Variants in FNDC3B observed in about 807,000 individuals in gnomAD.
FNDC3B encodes the protein fibronectin type III domain containing 3B, also known as fibronectin type III domain-containing protein 3B.
In FNDC3B, 12 loss-of-function variants were observed where a neutral mutation model predicts 151.5. That is an observed-to-expected ratio of 0.08 (90% CI 0.05 to 0.13). The LOEUF (loss-of-function observed/expected upper bound fraction) is 0.13. Among genes scored for constraint, FNDC3B ranks in the 10% least tolerant of loss-of-function variants. The probability of loss-of-function intolerance (pLI) is 1.00; values close to 1 mark genes in which losing one functional copy is unlikely to be tolerated. For missense variants in FNDC3B, 1,214 were observed against 1,505.3 expected, an observed-to-expected ratio of 0.81 and a Z score of 3.20; for synonymous variants, 528 against 549.0, an observed-to-expected ratio of 0.96 and a Z score of 0.54.
intron 1 of FNDC3B, among the ~76,000 whole-genome samples, chr3:172,060,151 G>T (rs1436030591): frequency 6.6e-6 from 1 of 152,138 alleles, no homozygotes; most frequent in Non-Finnish European, 1.5e-5. Flanking sequence ...TAGTCAGTGG[G>T]GCCCATTGAC....
intron 1 of FNDC3B, among the ~76,000 whole-genome samples, chr3:172,071,322 T>C (rs1051005102): frequency 1.3e-5 from 2 of 152,170 alleles, no homozygotes; most frequent in African/African-American, 4.8e-5. Flanking sequence ...GGATATAACT[T>C]TAATAGCAGG....
In FNDC3B at chr3:172,158,694, A is replaced by G. The variant is rs62283834; in HGVS notation, c.187+25148A>G. 8.9e-4 allele frequency among the ~76,000 whole-genome samples: 135 copies of G among 152,306 alleles called. 1 individual carries two copies. Among genetic ancestry groups the G allele is most frequent in the Non-Finnish European group, 1.1e-3 (75 of 68,024 alleles). ...TTTTCCTCTTATGGTTTTGGTGTGA[A>G]GTCTAAAGACCTTTGTCTACTCCCA... On this transcript the variant is annotated intron_variant, in intron 3 of 25. Coordinates refer to ENST00000415807, the MANE Select transcript of FNDC3B (RefSeq NM_022763.4).
intron 6 of FNDC3B, among the ~76,000 whole-genome samples, chr3:172,282,941 C>T (rs1467523651): frequency 6.6e-6 from 1 of 152,258 alleles, no homozygotes; most frequent in Non-Finnish European, 1.5e-5. Flanking sequence ...GTGTGCCCAG[C>T]ACCGGAGGTG....
chr3:172,341,286 G>C, intron 17 of FNDC3B, 55 bp downstream of exon 17: 3 of 1,237,430 alleles, frequency 2.4e-6, no homozygotes, highest in South Asian at 1.2e-5. Flanking sequence ...CGGACAAACT[G>C]TCTATAACAT....
intron 9 of FNDC3B, among the ~76,000 whole-genome samples, chr3:172,298,989 G>A (rs1730771570): frequency 6.6e-6 from 1 of 152,186 alleles, no homozygotes; most frequent in Non-Finnish European, 1.5e-5. Context: ...AAAAGTAGGT[G>A]TTAAACACTG....
At chr3:172,317,057 A>G in intron 11 of FNDC3B, 1 of 404,136 alleles carries the variant, frequency 2.5e-6, no homozygotes, top group South Asian at 1.8e-5. Flanking sequence ...TGTGATAACA[A>G]ACTCACTCCT....
rs566667380 is a variant in FNDC3B, at chr3:172,330,637, G to A, written c.1476G>A (p.Thr492=). The change falls in exon 13 of 26, where the codon ACG becomes ACA. Residue 492 remains threonine (T), a synonymous_variant. Transcript: ENST00000415807. ...TTCGAGCTGGCATCACATGGGTCAC[G>A]TTGCAGTGGAGTAAGCCAGAAGGCT... The part of the protein sequence containing the change: ...RLVRAGITWV[T]LQWSKPEGCS... 3.7e-6 allele frequency: 6 copies of A among 1,614,170 alleles called. No individual in the cohort carries two copies. The African/African-American group carries it at 4.0e-5, about 11-fold the overall frequency.
At chr3:172,281,608 C>G (rs777589999) in intron 6 of FNDC3B, among the ~76,000 whole-genome samples, 1 of 152,132 alleles carries the variant, frequency 6.6e-6, no homozygotes, top group African/African-American at 2.4e-5. Context: ...TTACTGCACA[C>G]CAGAAGGTGG....
intron 6 of FNDC3B, among the ~76,000 whole-genome samples, chr3:172,273,425 C>T (rs1176448666): frequency 6.6e-6 from 1 of 152,188 alleles, no homozygotes; most frequent in Non-Finnish European, 1.5e-5. Context: ...CACAGGCTCC[C>T]TGCTCCCTGT....
intron 3 of FNDC3B, among the ~76,000 whole-genome samples, chr3:172,205,713 T>C (rs1375176702): frequency 6.6e-6 from 1 of 152,230 alleles, no homozygotes; most frequent in East Asian, 1.9e-4. Context: ...TGGAAAAGTG[T>C]CTGAAGGTCA....
chr3:172,350,701 A>G lies in FNDC3B; in HGVS notation c.2515-2102A>G, dbSNP rs33999501. On this transcript the variant is annotated intron_variant, in intron 21 of 25. Transcript: ENST00000415807. ...TTTTAGACCTTGATTTAAGAGCTCA[A>G]ACTTAGCTGGGTGTGGTGGTATGTG... Among the ~76,000 whole-genome samples, 1,155 of 152,256 alleles carry G rather than the reference A, an allele frequency of 7.6e-3. 30 individuals carry two copies. The highest frequency in any genetic ancestry group is 0.044 in the Admixed American group (675 of 15,300).
At chr3:172,289,528 C>G (rs1490950217) in intron 7 of FNDC3B, among the ~76,000 whole-genome samples, 1 of 152,218 alleles carries the variant, frequency 6.6e-6, no homozygotes, top group African/African-American at 2.4e-5. Context: ...CTGTTTCTTT[C>G]CAGCCCAATT....
chr3:172,071,046 TTA>T (rs2108486671), intron 1 of FNDC3B, among the ~76,000 whole-genome samples: 1 of 152,316 alleles, frequency 6.6e-6, no homozygotes, highest in African/African-American at 2.4e-5. Context: ...ATTTTTTTTC[TTA>T]TATGTGGAAA....
rs138495029 is a variant in FNDC3B at position 172,267,169 on chromosome 3, T to G, written c.790+15628T>G. On this transcript the variant is annotated intron_variant, in intron 6 of 25. Coordinates refer to ENST00000415807, the MANE Select transcript of FNDC3B (RefSeq NM_022763.4). ...AAATCTACACACACACTTTTTTTTT[T>G]TTTTTGAACAGGGTCTCACTCTGTC... 3.0e-3 allele frequency among the ~76,000 whole-genome samples: 457 copies of G among 152,208 alleles called. 4 individuals are homozygous for G. The highest frequency in any genetic ancestry group is 0.011 in the African/African-American group (444 of 41,514).
intron 1 of FNDC3B, among the ~76,000 whole-genome samples, chr3:172,093,545 AC>A (rs1718951661): frequency 6.6e-6 from 1 of 152,088 alleles, no homozygotes; most frequent in Non-Finnish European, 1.5e-5. Context: ...GGCGTGAGTC[AC>A]CGCGCCCGGC....
intron 1 of FNDC3B, 72 bp from the exon 2 acceptor site, chr3:172,112,380 A>C (rs1365150673): frequency 1.3e-6 from 1 of 784,068 alleles, no homozygotes; most frequent in Non-Finnish European, 2.3e-6. Context: ...TTAGATTGTT[A>C]TGTGACTTGT....
intron 3 of FNDC3B, among the ~76,000 whole-genome samples, chr3:172,192,846 A>G (rs894514974): frequency 4.6e-5 from 7 of 152,046 alleles, no homozygotes; most frequent in Non-Finnish European, 2.9e-5. Context: ...CTCTGAGTTG[A>G]CTGTAACAAA....
intron 9 of FNDC3B, chr3:172,303,086 A>G (rs915457881): frequency 6.6e-6 from 1 of 152,180 alleles, no homozygotes; most frequent in African/African-American, 2.4e-5. Context: ...GTACAAATAA[A>G]TATGTATACA....
chr3:172,047,881 T>C (rs1258120816), intron 1 of FNDC3B, among the ~76,000 whole-genome samples: 2 of 152,180 alleles, frequency 1.3e-5, no homozygotes, highest in Non-Finnish European at 2.9e-5. Context: ...TGATGGCAGA[T>C]TGGGGACAGC....
Sources: gnomAD v4.1 joint callset for allele counts (sites outside exome capture counted in the v4.1 genomes callset) on GRCh38, gnomAD v4.1.1 for gene constraint, MANE v1.5 for transcripts, NCBI Gene and HGNC (gene_info 2026-07-23, HGNC 2026-07-21) for gene names.